KIF26B: variants seen among roughly 807,000 people sequenced by gnomAD.
The protein encoded by KIF26B is kinesin-like protein KIF26B.
Under a neutral mutation model 151.2 loss-of-function variants are expected in KIF26B, and 63 were observed. The observed-to-expected ratio is 0.42, with a 90% CI of 0.34 to 0.51. KIF26B has a LOEUF of 0.51. Ranked by LOEUF, KIF26B falls within the 20% of genes least tolerant of loss-of-function variation. KIF26B has a pLI of 0.07. For synonymous variants in KIF26B, 1,357 were observed against 1,262.1 expected, an observed-to-expected ratio of 1.08 and a Z score of -1.59; for missense variants, 2,813 against 2,913.6, an observed-to-expected ratio of 0.97 and a Z score of 0.79.
At chr1:245,430,391 C>T (rs1371605879) in intron 4 of KIF26B, among the ~76,000 whole-genome samples, 2 of 151,882 alleles carry the variant, frequency 1.3e-5, no homozygotes. Flanking sequence ...CCAGGTGGTG[C>T]CATGGCTCAC....
chr1:245,273,982 G>A (rs1428629332), intron 2 of KIF26B, among the ~76,000 whole-genome samples: 3 of 151,822 alleles, frequency 2.0e-5, no homozygotes, highest in Admixed American at 6.6e-5. Context: ...TTTTCTTCTA[G>A]CAATGTTCTT....
chr1:245,668,045 G>A lies in KIF26B; in HGVS notation c.2259-16188G>A, dbSNP rs144230978. On this transcript the variant is annotated intron_variant, in intron 10 of 14. Coordinates refer to ENST00000407071, the MANE Select transcript of KIF26B (RefSeq NM_018012.4). ...CAGGTAACTGGGATTACAGGCACAC[G>A]CCACCACGCTTGGCTAATTTTTGTA... Among the ~76,000 whole-genome samples the A allele has an allele frequency of 1.6e-4, 25 of 152,258 alleles. 1 individual carries two copies. The East Asian group carries it at 4.6e-3, about 28-fold the overall frequency.
At chr1:245,503,400 T>C (rs983918705) in intron 4 of KIF26B, among the ~76,000 whole-genome samples, 1 of 152,188 alleles carries the variant, frequency 6.6e-6, no homozygotes, top group Non-Finnish European at 1.5e-5. Flanking sequence ...GTTTTTAAGA[T>C]ATTGGCATGT....
At position 245,698,195 on chromosome 1, in the gene KIF26B, G is replaced by A; in HGVS notation, c.5914G>A (p.Val1972Met). ...KPPNSTGVRW[V>M]DGPLRSSPRG... The stretch of plus-strand genomic sequence containing the variant: ...CCCCAACAGCACAGGCGTCCGCTGG[G>A]TGGATGGCCCCTTGCGGAGCAGCCC... Residue 1972 changes from valine (V) to methionine (M), a missense_variant, in exon 13 of 15, where the codon GTG (valine) becomes ATG (methionine). Coordinates refer to ENST00000407071, the MANE Select transcript of KIF26B (RefSeq NM_018012.4). The surrounding 1 kb of genome is among the most constrained non-coding windows in gnomAD (Gnocchi z 4.0). The A allele has an allele frequency of 6.2e-7, 1 of 1,614,072 alleles. No homozygotes were observed. Among genetic ancestry groups the A allele is most frequent in the Non-Finnish European group, 8.5e-7 (1 of 1,179,908 alleles).
chr1:245,688,053 C>T lies in KIF26B; in HGVS notation c.5070C>T (p.Ser1690=), dbSNP rs991087889. The T allele has an allele frequency of 3.9e-6, 6 of 1,553,536 alleles. No individual in the cohort carries two copies. The South Asian group carries it at 4.7e-5, about 12-fold the overall frequency. Residue 1690 remains serine (S), a synonymous_variant, in exon 12 of 15, where the codon TCC becomes TCT. Transcript: ENST00000407071. ...TGGAGCGGGCCGAGAGCCTGTCCTC[C>T]GTGAGCTCCCGGCTGCACGCGGGCA... ...LSLERAESLS[S]VSSRLHAGKD...
intron 10 of KIF26B, among the ~76,000 whole-genome samples, chr1:245,656,955 A>T (rs2044081860): frequency 6.6e-6 from 1 of 152,222 alleles, no homozygotes; most frequent in African/African-American, 2.4e-5. Flanking sequence ...TGTAACTAAA[A>T]CAGAGCTGAA....
Position 245,504,494 on chromosome 1 carries a change from T to A in KIF26B, c.1167-36273T>A, listed in dbSNP as rs1660689667. 2.0e-5 allele frequency among the ~76,000 whole-genome samples: 3 copies of A among 150,906 alleles called. No individual in the cohort carries two copies. In the South Asian group the frequency reaches 6.3e-4, roughly 32 times the overall value. ...GTTACCCAGGCTGAAGTGCCACCCC[T>A]GTGATGCCTAGTGGTACAAACACTG... On this transcript the variant is annotated intron_variant, in intron 4 of 14. Coordinates refer to ENST00000407071, the MANE Select transcript of KIF26B (RefSeq NM_018012.4).
Position 245,688,521 on chromosome 1 carries a change from G to A in KIF26B, c.5538G>A (p.Leu1846=). 1 of 1,523,238 alleles carries A rather than the reference G, an allele frequency of 6.6e-7. No individual in the cohort carries two copies. Among genetic ancestry groups the A allele is most frequent in the South Asian group, 1.2e-5 (1 of 82,476 alleles). 94.4% of individuals were successfully genotyped at this position (1,523,238 alleles called of 1,614,324 possible). ...LAEDEPAAAH[L]LPSPYSKITP... is the part of the protein sequence containing the mutation. ...AGGACGAGCCCGCGGCCGCGCACCT[G>A]CTCCCGTCGCCCTACAGCAAGATCA... is the stretch of plus-strand genomic sequence containing the variant. The change falls in exon 12 of 15, where the codon CTG becomes CTA. Residue 1846 remains leucine (L), a synonymous_variant. Transcript: ENST00000407071.
At chr1:245,311,062 T>C (rs555629365) in intron 2 of KIF26B, among the ~76,000 whole-genome samples, 1 of 152,190 alleles carries the variant, frequency 6.6e-6, no homozygotes, top group East Asian at 1.9e-4. Flanking sequence ...AACATCAGCA[T>C]GAAGCTGAAG....
In KIF26B at chr1:245,563,262, GTTTCCACCCA is replaced by G. The variant is rs1348971173; in HGVS notation, c.1350+22318_1350+22327del. Among the ~76,000 whole-genome samples the G allele has an allele frequency of 6.6e-6, 1 of 152,128 alleles. No individual in the cohort carries two copies. Among genetic ancestry groups the G allele is most frequent in the Non-Finnish European group, 1.5e-5 (1 of 68,028 alleles). On this transcript the variant is annotated intron_variant, in intron 5 of 14. Transcript: ENST00000407071. This position sits in a 1 kb window ranked among gnomAD's most constrained non-coding sequence, Gnocchi z 4.6. ...CCCCCATTTTATCACCGAACAACCT[GTTTCCACCCA>G]TTTCCCTTATTCACTAAACAACCCG...
At chr1:245,536,368 G>A (rs957126198) in intron 4 of KIF26B, among the ~76,000 whole-genome samples, 9 of 151,968 alleles carry the variant, frequency 5.9e-5, no homozygotes, top group Middle Eastern at 3.2e-3. Context: ...TGTAGTCTTC[G>A]TTCATTCATT....
At position 245,343,951 on chromosome 1, in the gene KIF26B, G is replaced by A. The variant is rs114440937; in HGVS notation, c.466-22883G>A. On this transcript the variant is annotated intron_variant, in intron 2 of 14. Coordinates refer to ENST00000407071, the MANE Select transcript of KIF26B (RefSeq NM_018012.4). Reference sequence around the variant, plus strand: ...CCAGTCCTCTGTAGCTGCAATTCGGGGGGGCCAAGGGCTTCCTTAGCAGAA... The same window carrying A: ...CCAGTCCTCTGTAGCTGCAATTCGGAGGGGCCAAGGGCTTCCTTAGCAGAA... Among the ~76,000 whole-genome samples the A allele has an allele frequency of 4.4e-3, 676 of 152,270 alleles. 5 individuals carry two copies. Among genetic ancestry groups the A allele is most frequent in the African/African-American group, 0.016 (652 of 41,552 alleles).
chr1:245,690,094 A>G (rs934830725), intron 12 of KIF26B, among the ~76,000 whole-genome samples: 4 of 152,194 alleles, frequency 2.6e-5, no homozygotes, highest in African/African-American at 9.7e-5. Flanking sequence ...CCCAAGAACA[A>G]CTGAAGCTAC....
intron 2 of KIF26B, among the ~76,000 whole-genome samples, chr1:245,326,686 C>T (rs1212678338): frequency 6.6e-6 from 1 of 152,216 alleles, no homozygotes; most frequent in Admixed American, 6.5e-5. Flanking sequence ...CTCCATGGTG[C>T]CTGCCTCTCA....
intron 4 of KIF26B, among the ~76,000 whole-genome samples, chr1:245,467,060 C>T (rs1241819414): frequency 6.6e-6 from 1 of 152,220 alleles, no homozygotes; most frequent in Non-Finnish European, 1.5e-5. Flanking sequence ...CACTCAAGGT[C>T]TTGGGTCCAA....
intron 2 of KIF26B, among the ~76,000 whole-genome samples, chr1:245,311,243 A>G (rs987537834): frequency 6.6e-6 from 1 of 152,154 alleles, no homozygotes; most frequent in African/African-American, 2.4e-5. Flanking sequence ...CCTGTGACCC[A>G]TGGAGCAGTG....
chr1:245,369,884 T>C (rs1050431350), intron 3 of KIF26B, among the ~76,000 whole-genome samples: 1 of 152,226 alleles, frequency 6.6e-6, no homozygotes, highest in Non-Finnish European at 1.5e-5. Flanking sequence ...TATATAAATA[T>C]AATGAGGAAC....
chr1:245,326,373 G>C (rs1671991428), intron 2 of KIF26B, among the ~76,000 whole-genome samples: 1 of 152,138 alleles, frequency 6.6e-6, no homozygotes, highest in South Asian at 2.1e-4. Flanking sequence ...TGGCATTTCT[G>C]GACAGTGGTA....
In KIF26B at chr1:245,540,960, T is replaced by A. The variant is rs375730929; in HGVS notation, c.1350+10T>A. ...CCCGGGGCTGGGCAAGGTAGGACCA[T>A]CCGCCGTCCCTGCCATTTGCCCAGT... On this transcript the variant is annotated intron_variant, in intron 5 of 14. Transcript: ENST00000407071. The surrounding 1 kb of genome is among the most constrained non-coding windows in gnomAD (Gnocchi z 4.6). The A allele has an allele frequency of 1.9e-6, 3 of 1,597,436 alleles. No individual in the cohort carries two copies. The African/African-American group carries it at 4.0e-5, about 21-fold the overall frequency.
Sources: allele counts gnomAD v4.1 joint callset (sites outside exome capture counted in the v4.1 genomes callset), GRCh38; gene constraint gnomAD v4.1.1; non-coding constraint Gnocchi (gnomAD v3.1); transcripts MANE v1.5; gene names NCBI Gene and HGNC (gene_info 2026-07-23, HGNC 2026-07-21).